POLR3F: variants seen among roughly 807,000 people sequenced by gnomAD.
POLR3F encodes DNA-directed RNA polymerase III subunit RPC6.
Under a neutral mutation model 43.6 loss-of-function variants are expected in POLR3F, and 31 were observed. That is an observed-to-expected ratio of 0.71 (90% CI 0.53 to 0.96). POLR3F has a LOEUF of 0.96. POLR3F is among the 40% of genes least tolerant of loss of function. The pLI is 0.00. For missense variants in POLR3F, 316 were observed against 391.7 expected, an observed-to-expected ratio of 0.81 and a Z score of 1.63; for synonymous variants, 114 against 132.5, an observed-to-expected ratio of 0.86 and a Z score of 0.96.
chr20:18,468,812 C>A, intron 1 of POLR3F, 132 bp from the exon 2 acceptor site: 1 of 620,854 alleles, frequency 1.6e-6, no homozygotes. Context: ...GATCCAAAAC[C>A]ATCACAGAAA....
At position 18,470,299 on chromosome 20, in the gene POLR3F, CT is replaced by C. The variant is rs368356672; in HGVS notation, c.180+1242del. Among the ~76,000 whole-genome samples, 466 of 152,274 alleles carry C rather than the reference CT, an allele frequency of 3.1e-3. 1 individual carries two copies. The highest frequency in any genetic ancestry group is 6.8e-3 in the Middle Eastern group (2 of 294). On this transcript the variant is annotated intron_variant, in intron 2 of 8. Transcript: ENST00000377603. ...TGTGGAGATTTGGGGTCCGATGAAT[CT>C]TTTCTTAAACCTTTCCCATCAATTT...
chr20:18,479,249 A>G (rs1274796685), intron 5 of POLR3F, among the ~76,000 whole-genome samples: 1 of 152,042 alleles, frequency 6.6e-6, no homozygotes, highest in Non-Finnish European at 1.5e-5. Flanking sequence ...TAATCCCAGC[A>G]CTTTGGGAGG....
At chr20:18,481,106 T>C (rs937455027) in intron 7 of POLR3F, among the ~76,000 whole-genome samples, 1 of 152,140 alleles carries the variant, frequency 6.6e-6, no homozygotes, top group Non-Finnish European at 1.5e-5. Flanking sequence ...AAACTCAGCA[T>C]GAGCTTAGAG....
chr20:18,475,906 AT>A (rs916626089), intron 5 of POLR3F, among the ~76,000 whole-genome samples: 3 of 152,354 alleles, frequency 2.0e-5, no homozygotes, highest in African/African-American at 7.2e-5. Flanking sequence ...ACTTATAAGA[AT>A]TTGATGCTTA....
At chr20:18,476,192 C>T (rs2059778999) in intron 5 of POLR3F, among the ~76,000 whole-genome samples, 1 of 152,212 alleles carries the variant, frequency 6.6e-6, no homozygotes, top group African/African-American at 2.4e-5. Flanking sequence ...GCAACCATCA[C>T]CGCTGTTCTA....
rs139055682 is a variant in POLR3F at position 18,482,200 on chromosome 20, G to A, written c.873+390G>A. 4.1e-3 allele frequency among the ~76,000 whole-genome samples: 616 copies of A among 151,966 alleles called. 4 individuals carry two copies. The highest frequency in any genetic ancestry group is 0.014 in the African/African-American group (590 of 41,456). ...GACGGGGTTTCACCATGTTGGCCAG[G>A]CTGGTCTCGAACTCCTGACCTCAGG... On this transcript the variant is annotated intron_variant, in intron 8 of 8. Transcript: ENST00000377603.
At chr20:18,472,240 T>C (rs2059756997) in intron 2 of POLR3F, among the ~76,000 whole-genome samples, 1 of 152,244 alleles carries the variant, frequency 6.6e-6, no homozygotes, top group Non-Finnish European at 1.5e-5. Flanking sequence ...TGTTTTTTGC[T>C]TTTCAAGATG....
chr20:18,467,420 T>C lies in POLR3F; in HGVS notation c.-87T>C. The C allele has an allele frequency of 6.9e-7, 1 of 1,443,750 alleles. No homozygotes were observed. Among genetic ancestry groups the C allele is most frequent in the Non-Finnish European group, 9.7e-7 (1 of 1,026,920 alleles). 89.4% of individuals were successfully genotyped at this position (1,443,750 alleles called of 1,614,324 possible). A position where few individuals can be genotyped will look rare whatever the true frequency, so the allele number is the denominator to read the frequency against. ...AGGCCCCTCGGCCTCAGCAGAGCGC[T>C]ATCCTCCACTGGTTCCCCGGGTTCC... On this transcript the variant is annotated 5_prime_UTR_variant, in exon 1 of 9. Coordinates refer to ENST00000377603, the MANE Select transcript of POLR3F (RefSeq NM_006466.4).
At position 18,483,689 on chromosome 20, in the gene POLR3F, GA is replaced by G. The variant is rs1272828677; in HGVS notation, c.*135del. On this transcript the variant is annotated 3_prime_UTR_variant, in exon 9 of 9. Coordinates refer to ENST00000377603, the MANE Select transcript of POLR3F (RefSeq NM_006466.4). ...ATAATGGACGTAGACTTGCTGCTATGAAAACATATTTTTTTTATTTATGAAG... is the reference window on the plus strand; with the variant it reads ...ATAATGGACGTAGACTTGCTGCTATGAAACATATTTTTTTTATTTATGAAG... 9.2e-6 allele frequency: 4 copies of G among 434,672 alleles called. No homozygotes were observed. The highest frequency in any genetic ancestry group is 4.2e-5 in the Admixed American group (1 of 23,678). 26.9% of individuals were successfully genotyped at this position (434,672 alleles called of 1,614,324 possible).
rs2059825360 is a variant in POLR3F, at chr20:18,484,116, C to CT, written c.*563dup. On this transcript the variant is annotated 3_prime_UTR_variant, in exon 9 of 9. Coordinates refer to ENST00000377603, the MANE Select transcript of POLR3F (RefSeq NM_006466.4). Reference sequence around the variant, plus strand: ...TGCCTTTTCCGCACAATATTAATTCCTTTTTGTATCAGAAATGTTCTTTTA... The same window carrying CT: ...TGCCTTTTCCGCACAATATTAATTCCTTTTTTGTATCAGAAATGTTCTTTTA... The CT allele has an allele frequency of 2.5e-6, 1 of 398,326 alleles. No homozygotes were observed. Among genetic ancestry groups the CT allele is most frequent in the Admixed American group, 4.4e-5 (1 of 22,692 alleles). The allele number at this position is 398,326 out of a possible 1,614,324, so 24.7% of individuals were successfully genotyped here.
chr20:18,472,843 G>A lies in POLR3F; in HGVS notation c.182G>A (p.Gly61Asp). The A allele has an allele frequency of 7.1e-7, 1 of 1,404,098 alleles. No individual in the cohort carries two copies. The highest frequency in any genetic ancestry group is 2.5e-5 in the East Asian group (1 of 40,350). The allele number at this position is 1,404,098 out of a possible 1,614,324, so 87.0% of individuals were successfully genotyped here. A position where few individuals can be genotyped will look rare whatever the true frequency, so the allele number is the denominator to read the frequency against. The change falls in exon 3 of 9, where the codon GGT (glycine) becomes GAT (aspartate). Residue 61 changes from glycine to aspartate, a missense_variant and splice_region_variant. This residue lies in a region of POLR3F where 122 missense variants were observed against 133.8 expected (regional missense o/e 0.91). Transcript: ENST00000377603. Reference sequence around the variant, plus strand: ...GTTTTCTACTGTCTTAAAAACTAGGGTCAGTTGGATCTCTTAAGGAGCAAT... The same window carrying A: ...GTTTTCTACTGTCTTAAAAACTAGGATCAGTTGGATCTCTTAAGGAGCAAT... ...AVAINRLLSMGQLDLLRSNTG... is the reference protein window; with the variant it reads ...AVAINRLLSMDQLDLLRSNTG...
chr20:18,483,881 G>A lies in POLR3F; in HGVS notation c.*323G>A. 2.5e-6 allele frequency: 1 copy of A among 393,094 alleles called. No homozygotes were observed. Among genetic ancestry groups the A allele is most frequent in the Non-Finnish European group, 4.5e-6 (1 of 223,566 alleles). The allele number at this position is 393,094 out of a possible 1,614,324, so 24.4% of individuals were successfully genotyped here. A position where few individuals can be genotyped will look rare whatever the true frequency, so the allele number is the denominator to read the frequency against. On this transcript the variant is annotated 3_prime_UTR_variant, in exon 9 of 9. Coordinates refer to ENST00000377603, the MANE Select transcript of POLR3F (RefSeq NM_006466.4). Reference sequence around the variant, plus strand: ...ATGCCAACATACCCGTATTTACCAAGTACTATGATAATGGCTAGAGTATAA... The same window carrying A: ...ATGCCAACATACCCGTATTTACCAAATACTATGATAATGGCTAGAGTATAA...
Position 18,480,391 on chromosome 20 carries a change from A to G in POLR3F, c.574-11A>G. On this transcript the variant is annotated splice_polypyrimidine_tract_variant and intron_variant, in intron 6 of 8. Transcript: ENST00000377603. ...TTCTTATTTACATTTCTTATGTTTC[A>G]ATCCTTATAGGCAGAAACAGCACGA... 1 of 1,557,950 alleles carries G rather than the reference A, an allele frequency of 6.4e-7. No homozygotes were observed. The highest frequency in any genetic ancestry group is 8.9e-7 in the Non-Finnish European group (1 of 1,129,360).
At chr20:18,468,404 C>G (rs1601246270) in intron 1 of POLR3F, among the ~76,000 whole-genome samples, 1 of 152,222 alleles carries the variant, frequency 6.6e-6, no homozygotes, top group East Asian at 1.9e-4. Flanking sequence ...GGCACTGCCA[C>G]TCTTAGATTT....
intron 1 of POLR3F, 55 bp downstream of exon 1, chr20:18,467,623 A>C: frequency 6.2e-7 from 1 of 1,613,154 alleles, no homozygotes; most frequent in Non-Finnish European, 8.5e-7. Context: ...TCATTTGGGC[A>C]GCTGGACCCC....
rs758442458 is a variant in POLR3F at position 18,467,582 on chromosome 20, G to A, written c.62+14G>A. 3.1e-6 allele frequency: 5 copies of A among 1,614,186 alleles called. No homozygotes were observed. In the East Asian group the frequency reaches 1.1e-4, roughly 36 times the overall value. On this transcript the variant is annotated intron_variant, in intron 1 of 8. Coordinates refer to ENST00000377603, the MANE Select transcript of POLR3F (RefSeq NM_006466.4). ...AATAGAAAACAGGTAAACCAGTGAG[G>A]CTCCGGCTTGGCACTCCATCAGGCG...
At position 18,484,447 on chromosome 20, in the gene POLR3F, C is replaced by T. The variant is rs1040887064; in HGVS notation, c.*889C>T. ...AAGTGATAGGTCAGGAGAGTAACAGCGCTCATGAATGGGATTAGTGCCCTT... is the reference window on the plus strand; with the variant it reads ...AAGTGATAGGTCAGGAGAGTAACAGTGCTCATGAATGGGATTAGTGCCCTT... On this transcript the variant is annotated 3_prime_UTR_variant, in exon 9 of 9. Coordinates refer to ENST00000377603, the MANE Select transcript of POLR3F (RefSeq NM_006466.4). The T allele has an allele frequency of 9.5e-5, 25 of 263,902 alleles. No homozygotes were observed. The highest frequency in any genetic ancestry group is 5.2e-4 in the South Asian group (3 of 5,768). 16.3% of individuals were successfully genotyped at this position (263,902 alleles called of 1,614,324 possible). A position where few individuals can be genotyped will look rare whatever the true frequency, so the allele number is the denominator to read the frequency against.
intron 8 of POLR3F, among the ~76,000 whole-genome samples, chr20:18,482,071 T>A (rs1457869161): frequency 7.4e-6 from 1 of 135,738 alleles, no homozygotes; most frequent in African/African-American, 2.8e-5. Context: ...CATTGCAACC[T>A]CCAACTCCCG....
intron 5 of POLR3F, among the ~76,000 whole-genome samples, chr20:18,477,709 A>G (rs1287028132): frequency 6.6e-6 from 1 of 152,236 alleles, no homozygotes; most frequent in Non-Finnish European, 1.5e-5. Flanking sequence ...TATGATTACA[A>G]CTATATGACA....
Sources: allele counts gnomAD v4.1 joint callset (sites outside exome capture counted in the v4.1 genomes callset), GRCh38; gene constraint gnomAD v4.1.1; regional missense constraint gnomAD v4.1.1; transcripts MANE v1.5; gene names NCBI Gene and HGNC (gene_info 2026-07-23, HGNC 2026-07-21).